Variants in RPUSD4 observed in about 807,000 individuals in gnomAD.
RPUSD4 encodes pseudouridylate synthase RPUSD4, mitochondrial.
RPUSD4 carries 37 observed loss-of-function variants against 35.4 expected under a neutral mutation model. The observed-to-expected ratio is 1.04, with a 90% CI of 0.80 to 1.37. RPUSD4 has a LOEUF of 1.37. Ranked by LOEUF, RPUSD4 falls within the 40% of genes most tolerant of loss-of-function variation. The pLI is 0.00. For synonymous variants in RPUSD4, 210 were observed against 192.7 expected (o/e 1.09, Z -0.74); for missense variants, 507 against 484.9 (o/e 1.05, Z -0.43).
chr11:126,210,035 T>C (rs1949826110), intron 2 of RPUSD4, among the ~76,000 whole-genome samples: 1 of 152,198 alleles, frequency 6.6e-6, no homozygotes, highest in African/African-American at 2.4e-5. Flanking sequence ...TGAAAAACCA[T>C]GAGGCCTTCG....
At position 126,209,730 on chromosome 11, in the gene RPUSD4, G is replaced by T; in HGVS notation, c.356-8C>A. On this transcript the variant is annotated splice_polypyrimidine_tract_variant and splice_region_variant and intron_variant, in intron 2 of 6. Coordinates refer to ENST00000298317, the MANE Select transcript of RPUSD4 (RefSeq NM_032795.3). ...GCTGGACCCCAGGGCCACCTAAGAA[G>T]GAAAAAGCCAAAGGTTTGAGCGGCC... 1 of 1,610,116 alleles carries T rather than the reference G, an allele frequency of 6.2e-7. No individual in the cohort carries two copies.
At chr11:126,205,646 G>A (rs778585315) in intron 4 of RPUSD4, 34 bp from the exon 5 acceptor site, 2 of 1,613,656 alleles carry the variant, frequency 1.2e-6, no homozygotes, top group Non-Finnish European at 1.7e-6. Flanking sequence ...TGATTCCCAA[G>A]GAAGAGCAGC....
At chr11:126,210,846 G>A (rs775342339) in intron 2 of RPUSD4, 44 bp downstream of exon 2, 2 of 1,568,754 alleles carry the variant, frequency 1.3e-6, no homozygotes, top group Non-Finnish European at 1.7e-6. Flanking sequence ...GGTTGTAGCA[G>A]AAAGCAGCTG....
intron 5 of RPUSD4, 78 bp downstream of exon 5, chr11:126,205,390 C>A (rs1319513441): frequency 1.3e-6 from 2 of 1,562,898 alleles, no homozygotes; most frequent in Non-Finnish European, 1.8e-6. Context: ...ACACTACTAG[C>A]TGCTCAGAAC....
Position 126,211,063 on chromosome 11 carries a change from G to T in RPUSD4, c.190-8C>A. On this transcript the variant is annotated splice_polypyrimidine_tract_variant and splice_region_variant and intron_variant, in intron 1 of 6. Coordinates refer to ENST00000298317, the MANE Select transcript of RPUSD4 (RefSeq NM_032795.3). The stretch of plus-strand genomic sequence containing the variant: ...AACAGCGTTTGTGGACACCTAGGGA[G>T]AAAGAAGGAGCCGTGGGGAATGCCT... 6.2e-7 allele frequency: 1 copy of T among 1,608,920 alleles called. No homozygotes were observed. The highest frequency in any genetic ancestry group is 8.5e-7 in the Non-Finnish European group (1 of 1,179,490).
chr11:126,211,144 G>T, intron 1 of RPUSD4, 89 bp from the exon 2 acceptor site: 1 of 1,449,754 alleles, frequency 6.9e-7, no homozygotes, highest in Non-Finnish European at 9.5e-7. Flanking sequence ...AATCTGAGTA[G>T]GGAATGACTA....
chr11:126,204,021 G>T (rs1303579578), intron 6 of RPUSD4, among the ~76,000 whole-genome samples: 3 of 152,148 alleles, frequency 2.0e-5, no homozygotes, highest in African/African-American at 4.8e-5. Context: ...ATAAACAAAT[G>T]TAACAGTAAG....
intron 2 of RPUSD4, 65 bp from the exon 3 acceptor site, chr11:126,209,787 G>A: frequency 7.2e-7 from 1 of 1,379,698 alleles, no homozygotes; most frequent in Non-Finnish European, 1.0e-6. Context: ...ACTCTCCTTG[G>A]GAGAAAAGCC....
Position 126,211,048 on chromosome 11 carries a change from G to T in RPUSD4, c.197C>A (p.Thr66Lys). Residue 66 changes from threonine (T) to lysine (K), a missense_variant, in exon 2 of 7, where the codon ACA becomes AAA. Thr to Lys is a moderately conservative substitution (Grantham distance 78). Transcript: ENST00000298317. The stretch of plus-strand genomic sequence containing the variant: ...TTGCACTCTCCGCTGAACAGCGTTT[G>T]TGGACACCTAGGGAGAAAGAAGGAG... ...EQDTKKEPVS[T>K]NAVQRRVQEI... 1 of 1,613,110 alleles carries T rather than the reference G, an allele frequency of 6.2e-7. No individual in the cohort carries two copies. Among genetic ancestry groups the T allele is most frequent in the Non-Finnish European group, 8.5e-7 (1 of 1,179,982 alleles).
chr11:126,208,046 C>T lies in RPUSD4; in HGVS notation c.557+1475G>A, dbSNP rs74421353. ...TATCTTTTTTTTTTTTAACTTATCA[C>T]AGTGGCAAACCCTTTAAAAATGCTT... On this transcript the variant is annotated intron_variant, in intron 3 of 6. Transcript: ENST00000298317. Among the ~76,000 whole-genome samples the T allele has an allele frequency of 1.3e-3, 192 of 151,002 alleles. 9 individuals are homozygous for T. The South Asian group carries it at 0.038, about 30-fold the overall frequency.
chr11:126,210,158 C>G (rs1365355822), intron 2 of RPUSD4, among the ~76,000 whole-genome samples: 1 of 152,198 alleles, frequency 6.6e-6, no homozygotes, highest in Non-Finnish European at 1.5e-5. Context: ...CATTACTTCT[C>G]TTTCCAACTT....
chr11:126,209,555 AC>A lies in RPUSD4; in HGVS notation c.522del (p.Glu174AspfsTer9). ...TTCACCACCTGACGGGTTCTAAACAACTCTTGGACTTGATGTGCCATGTCCT... is the reference window on the plus strand; with the variant it reads ...TTCACCACCTGACGGGTTCTAAACAATCTTGGACTTGATGTGCCATGTCCT... ...WDKDMAHQVQ[E>X]LFRTRQVVKK... On this transcript the variant is annotated frameshift_variant, in exon 3 of 7. Coordinates refer to ENST00000298317, the MANE Select transcript of RPUSD4 (RefSeq NM_032795.3). LOFTEE classifies it high-confidence loss of function. 6.2e-7 allele frequency: 1 copy of A among 1,613,926 alleles called. No individual in the cohort carries two copies. Among genetic ancestry groups the A allele is most frequent in the Non-Finnish European group, 8.5e-7 (1 of 1,179,964 alleles).
rs755442142 is a variant in RPUSD4 at position 126,211,446 on chromosome 11, T to A, written c.189+4A>T. 6.2e-7 allele frequency: 1 copy of A among 1,610,354 alleles called. No homozygotes were observed. The highest frequency in any genetic ancestry group is 1.7e-5 in the Admixed American group (1 of 59,390). On this transcript the variant is annotated splice_donor_region_variant and intron_variant, in intron 1 of 6. Transcript: ENST00000298317. ...CTAGGGAGTTCTGGTCCCTTTGGACTCACCGGCTCCTTCTTTGTGTCTTGT... is the reference window on the plus strand; with the variant it reads ...CTAGGGAGTTCTGGTCCCTTTGGACACACCGGCTCCTTCTTTGTGTCTTGT...
In RPUSD4 at chr11:126,203,493, C is replaced by T. The variant is rs1465309745; in HGVS notation, c.1059G>A (p.Leu353=). The T allele has an allele frequency of 6.2e-7, 1 of 1,614,172 alleles. No individual in the cohort carries two copies. Among genetic ancestry groups the T allele is most frequent in the Admixed American group, 1.7e-5 (1 of 60,018 alleles). The change falls in exon 7 of 7, where the codon CTG becomes CTA. Residue 353 remains leucine (L), a synonymous_variant. Transcript: ENST00000298317. The part of the protein sequence containing the change: ...CKLPRFFVHS[L]HRLRLEMPNE... ...TTGGCATCTCTAAACGCAGGCGGTG[C>T]AGGGAATGCACAAAGAAGCGAGGAA...
At position 126,208,282 on chromosome 11, in the gene RPUSD4, C is replaced by T. The variant is rs1207841679; in HGVS notation, c.557+1239G>A. ...AATGAGAAATTACCTAAATATCCATCCATACAGCGGTATTTCACAGAGCAA... is the reference window on the plus strand; with the variant it reads ...AATGAGAAATTACCTAAATATCCATTCATACAGCGGTATTTCACAGAGCAA... On this transcript the variant is annotated intron_variant, in intron 3 of 6. Coordinates refer to ENST00000298317, the MANE Select transcript of RPUSD4 (RefSeq NM_032795.3). Among the ~76,000 whole-genome samples, 7 of 152,196 alleles carry T rather than the reference C, an allele frequency of 4.6e-5. No individual in the cohort carries two copies. In the East Asian group the frequency reaches 1.3e-3, roughly 29 times the overall value.
intron 3 of RPUSD4, 35 bp downstream of exon 3, chr11:126,209,486 T>C: frequency 6.4e-7 from 1 of 1,574,070 alleles, no homozygotes; most frequent in Middle Eastern, 1.7e-4. Context: ...TGCCTCCACT[T>C]ATACCACCTC....
At position 126,203,657 on chromosome 11, in the gene RPUSD4, TC is replaced by T; in HGVS notation, c.895-1del. ...TTCTTCAGGGTGCCCACAGACAGCT[TC>T]TATACAAAGAAAGGACAGACCCTTG... On this transcript the variant is annotated splice_acceptor_variant, in intron 6 of 6. Coordinates refer to ENST00000298317, the MANE Select transcript of RPUSD4 (RefSeq NM_032795.3). LOFTEE classifies it high-confidence loss of function. 1 of 1,610,412 alleles carries T rather than the reference TC, an allele frequency of 6.2e-7. No individual in the cohort carries two copies. The highest frequency in any genetic ancestry group is 8.5e-7 in the Non-Finnish European group (1 of 1,177,344).
Position 126,205,609 on chromosome 11 carries a change from T to A in RPUSD4, c.655A>T (p.Thr219Ser), listed in dbSNP as rs1278798405. Residue 219 changes from threonine to serine, a missense_variant, in exon 5 of 7, where the codon ACA becomes TCA. Thr to Ser is a moderately conservative substitution (Grantham distance 58). Coordinates refer to ENST00000298317, the MANE Select transcript of RPUSD4 (RefSeq NM_032795.3). ...AQGQQQHHKM[T>S]LSPSYRMDDG... The stretch of plus-strand genomic sequence containing the variant: ...TCCATGCGGTAGCTCGGGGACAATG[T>A]CATCTGAAGCCAAAGAAATCAAGAT... The A allele has an allele frequency of 1.2e-6, 2 of 1,614,066 alleles. No homozygotes were observed. The highest frequency in any genetic ancestry group is 2.7e-5 in the African/African-American group (2 of 74,950).
At position 126,210,966 on chromosome 11, in the gene RPUSD4, C is replaced by T. The variant is rs1199594777; in HGVS notation, c.279G>A (p.Lys93=). ...LQRVHPNVLA[K]ALTRGILHQD... is the part of the protein sequence containing the mutation. ...GGTGGAGAATTCCTCGGGTCAGTGC[C>T]TTAGCAAGCACGTTGGGGTGGACTC... The change falls in exon 2 of 7, where the codon AAG becomes AAA. Residue 93 remains lysine (K), a synonymous_variant. Transcript: ENST00000298317. 6.2e-7 allele frequency: 1 copy of T among 1,614,068 alleles called. No homozygotes were observed. The highest frequency in any genetic ancestry group is 1.7e-5 in the Admixed American group (1 of 60,012).
Sources: allele counts gnomAD v4.1 joint callset (sites outside exome capture counted in the v4.1 genomes callset), GRCh38; gene constraint gnomAD v4.1.1; transcripts MANE v1.5; gene names NCBI Gene and HGNC (gene_info 2026-07-23, HGNC 2026-07-21).